RAP1A: variants seen among roughly 807,000 people sequenced by gnomAD.
RAP1A encodes RAP1A, member of RAS oncogene family.
A neutral mutation model predicts 26.4 loss-of-function variants in RAP1A; 6 were observed. That is an observed-to-expected ratio of 0.23 (90% CI 0.12 to 0.45). The LOEUF (loss-of-function observed/expected upper bound fraction) is 0.45. RAP1A is among the 20% of genes least tolerant of loss of function. RAP1A has a pLI of 0.99. For missense variants in RAP1A, 121 were observed against 217.2 expected, an observed-to-expected ratio of 0.56 and a Z score of 2.78; for synonymous variants, 73 against 79.4, an observed-to-expected ratio of 0.92 and a Z score of 0.43.
intron 1 of RAP1A, among the ~76,000 whole-genome samples, chr1:111,621,417 T>C (rs1177433711): frequency 6.6e-6 from 1 of 152,218 alleles, no homozygotes; most frequent in Non-Finnish European, 1.5e-5. Context: ...TGAAATCATA[T>C]AGTTCGATAT....
chr1:111,544,276 T>TGC (rs561231997), intron 1 of RAP1A, among the ~76,000 whole-genome samples: 215 of 152,296 alleles, frequency 1.4e-3, no homozygotes, highest in Non-Finnish European at 2.4e-3. Flanking sequence ...AACTTTAAGG[T>TGC]GCACAACTCA....
chr1:111,582,057 T>G (rs1258609897), intron 1 of RAP1A, among the ~76,000 whole-genome samples: 1 of 152,174 alleles, frequency 6.6e-6, no homozygotes, highest in Non-Finnish European at 1.5e-5. Context: ...CCCTAAAATC[T>G]AAGTTGTTTC....
At chr1:111,593,998 G>A (rs534649005) in intron 1 of RAP1A, among the ~76,000 whole-genome samples, 3 of 152,176 alleles carry the variant, frequency 2.0e-5, no homozygotes, top group Non-Finnish European at 4.4e-5. Context: ...AGGAAGTTCA[G>A]GGACTAGCTT....
At chr1:111,673,440 T>C (rs1571549485) in intron 1 of RAP1A, among the ~76,000 whole-genome samples, 1 of 152,332 alleles carries the variant, frequency 6.6e-6, no homozygotes, top group Non-Finnish European at 1.5e-5. Context: ...TGTTAAAAAT[T>C]GCAGAAACAA....
chr1:111,577,466 A>G (rs1658170334), intron 1 of RAP1A, among the ~76,000 whole-genome samples: 1 of 145,800 alleles, frequency 6.9e-6, no homozygotes, highest in Non-Finnish European at 1.5e-5. Flanking sequence ...ACTTGGATTT[A>G]TCCGCTGACA....
intron 2 of RAP1A, 130 bp from the exon 3 acceptor site, chr1:111,695,211 A>AATATTG (rs1661790112): frequency 1.6e-6 from 1 of 614,762 alleles, no homozygotes; most frequent in Non-Finnish European, 2.7e-6. Flanking sequence ...AATTAATAAT[A>AATATTG]TACTTTACAT....
intron 1 of RAP1A, among the ~76,000 whole-genome samples, chr1:111,643,906 A>G (rs527373954): frequency 1.3e-4 from 20 of 152,354 alleles, no homozygotes; most frequent in South Asian, 2.1e-4. Context: ...CAAAATCTAT[A>G]TGGCAGGCCA....
chr1:111,684,169 A>G (rs1661393325), intron 1 of RAP1A, among the ~76,000 whole-genome samples: 1 of 152,200 alleles, frequency 6.6e-6, no homozygotes, highest in Non-Finnish European at 1.5e-5. Flanking sequence ...TCCCAAAATA[A>G]TAAGAGCTAT....
intron 1 of RAP1A, among the ~76,000 whole-genome samples, chr1:111,594,555 GGAAA>G (rs1658527844): frequency 8.0e-6 from 1 of 125,456 alleles, no homozygotes; most frequent in South Asian, 2.9e-4. Flanking sequence ...AAAGAAAGAA[GGAAA>G]GGAGGGAGGG....
upstream of RAP1A, among the ~76,000 whole-genome samples, chr1:111,619,462 C>G (rs571621838): frequency 6.6e-6 from 1 of 152,328 alleles, no homozygotes; most frequent in South Asian, 2.1e-4. Context: ...GTTAGAACAG[C>G]GCCTGGAACC....
At chr1:111,572,253 A>C (rs1658064545) in intron 1 of RAP1A, among the ~76,000 whole-genome samples, 2 of 152,128 alleles carry the variant, frequency 1.3e-5, no homozygotes, top group South Asian at 4.1e-4. Context: ...GGCACACAGC[A>C]CTCTTTTCTC....
At chr1:111,701,275 CT>C (rs955184511) in intron 4 of RAP1A, among the ~76,000 whole-genome samples, 6 of 152,122 alleles carry the variant, frequency 3.9e-5, no homozygotes, top group Non-Finnish European at 8.8e-5. Flanking sequence ...CCTTTGGGGC[CT>C]TTGCATTTGC....
chr1:111,593,407 T>G (rs929726708), intron 1 of RAP1A, among the ~76,000 whole-genome samples: 1 of 152,188 alleles, frequency 6.6e-6, no homozygotes, highest in African/African-American at 2.4e-5. Context: ...ATTTCTTCTT[T>G]GTACTTTTTT....
At chr1:111,585,454 G>C (rs929359370) in intron 1 of RAP1A, among the ~76,000 whole-genome samples, 2 of 151,356 alleles carry the variant, frequency 1.3e-5, no homozygotes, top group African/African-American at 4.8e-5. Flanking sequence ...AAGATTAGTA[G>C]ATATTAAAGC....
upstream of RAP1A, among the ~76,000 whole-genome samples, chr1:111,615,177 A>G (rs1658992112): frequency 6.6e-6 from 1 of 152,102 alleles, no homozygotes. Flanking sequence ...TGGGATGGAG[A>G]TACACAATTG....
At chr1:111,658,874 T>C (rs1411859596) in intron 1 of RAP1A, among the ~76,000 whole-genome samples, 1 of 152,234 alleles carries the variant, frequency 6.6e-6, no homozygotes, top group African/African-American at 2.4e-5. Context: ...TTCATCTGTT[T>C]CTCCTTGCAG....
At chr1:111,651,019 G>A (rs1660251871) in intron 1 of RAP1A, among the ~76,000 whole-genome samples, 2 of 152,054 alleles carry the variant, frequency 1.3e-5, no homozygotes, top group South Asian at 4.1e-4. Flanking sequence ...AGCCAGGATG[G>A]TCTCGATCTC....
At chr1:111,644,044 C>T (rs181112201) in intron 1 of RAP1A, among the ~76,000 whole-genome samples, 14 of 152,238 alleles carry the variant, frequency 9.2e-5, no homozygotes, top group East Asian at 3.9e-4. Flanking sequence ...ACATTATTGA[C>T]GATAATCTCC....
chr1:111,631,195 A>G (rs1204908805), intron 1 of RAP1A, among the ~76,000 whole-genome samples: 1 of 152,226 alleles, frequency 6.6e-6, no homozygotes. Flanking sequence ...TATCCCTTCA[A>G]GATCCTAGCA....
Sources: gnomAD v4.1 joint callset for allele counts (sites outside exome capture counted in the v4.1 genomes callset) on GRCh38, gnomAD v4.1.1 for gene constraint, MANE v1.5 for transcripts, NCBI Gene and HGNC (gene_info 2026-07-23, HGNC 2026-07-21) for gene names.